Variants in DMD observed in about 807,000 individuals in gnomAD.
DMD encodes the protein dystrophin.
DMD carries 63 observed loss-of-function variants against 330.1 expected under a neutral mutation model. That is an observed-to-expected ratio of 0.19 (90% CI 0.16 to 0.24). DMD has a LOEUF of 0.24. Among genes scored for constraint, DMD ranks in the 10% least tolerant of loss-of-function variants. DMD has a pLI of 1.00. For synonymous variants in DMD, 1,223 were observed against 959.8 expected, an observed-to-expected ratio of 1.27 and a Z score of -5.07; for missense variants, 3,344 against 2,684.1, an observed-to-expected ratio of 1.25 and a Z score of -5.43.
intron 1 of DMD, among the ~76,000 whole-genome samples, chrX:33,184,114 T>C (rs1468152052): frequency 1.8e-5 from 2 of 111,967 alleles, no homozygotes; most frequent in African/African-American, 3.2e-5. Context: ...AAGGTTAATA[T>C]GTCTAAGAAT....
At chrX:33,082,843 T>G (rs2148253545) in intron 1 of DMD, among the ~76,000 whole-genome samples, 1 of 112,280 alleles carries the variant, frequency 8.9e-6, no homozygotes, top group African/African-American at 3.2e-5. Context: ...CCTCCCAAGC[T>G]GACTTGAAAA....
chrX:31,821,030 A>G (rs939079279), intron 49 of DMD, among the ~76,000 whole-genome samples: 7 of 112,819 alleles, frequency 6.2e-5, no homozygotes, highest in African/African-American at 2.3e-4. Context: ...ATTTATAGCC[A>G]GCAGAATGTG....
intron 56 of DMD, among the ~76,000 whole-genome samples, chrX:31,497,604 C>G (rs752716254): frequency 8.0e-5 from 9 of 111,947 alleles, no homozygotes; most frequent in Non-Finnish European, 1.5e-4. Flanking sequence ...AAGCTTCCCC[C>G]GAACATGAAT....
At chrX:31,193,431 TAG>T (rs1207328960) in intron 67 of DMD, among the ~76,000 whole-genome samples, 1 of 111,843 alleles carries the variant, frequency 8.9e-6, no homozygotes, top group East Asian at 2.8e-4. Flanking sequence ...TATTCATGAA[TAG>T]ACGGGGGAGA....
intron 4 of DMD, among the ~76,000 whole-genome samples, chrX:32,824,924 T>C (rs1306434756): frequency 9.0e-6 from 1 of 111,676 alleles, no homozygotes; most frequent in African/African-American, 3.3e-5. Flanking sequence ...TGCATCATCA[T>C]CTGGGGATTC....
At chrX:32,294,858 T>C (rs909209460) in intron 42 of DMD, among the ~76,000 whole-genome samples, 5 of 111,603 alleles carry the variant, frequency 4.5e-5, no homozygotes, top group African/African-American at 1.6e-4. Flanking sequence ...AGATCTCTGA[T>C]AGTATTTTAC....
At chrX:31,284,862 A>C (rs55861869) in intron 62 of DMD, among the ~76,000 whole-genome samples, 9,423 of 100,220 alleles carry the variant, frequency 0.094, 452 homozygotes, top group East Asian at 0.29. Context: ...ACACACACAC[A>C]CCCACACCCA....
In DMD at chrX:32,177,091, A is replaced by G. The variant is rs1359769959; in HGVS notation, c.6438+39825T>C. Among the ~76,000 whole-genome samples the G allele has an allele frequency of 2.7e-5, 3 of 111,746 alleles. 1 individual carries two copies. In the South Asian group the frequency reaches 1.1e-3, roughly 42 times the overall value. ...GTTCAACTTAACACTAACCCCCGTC[A>G]ATTACGTCTCCTGTATTTTTCTCAG... is the stretch of plus-strand genomic sequence containing the variant. On this transcript the variant is annotated intron_variant, in intron 44 of 78. Coordinates refer to ENST00000357033, the MANE Select transcript of DMD (RefSeq NM_004006.3).
chrX:31,293,203 TAG>T (rs2053869048), intron 62 of DMD, among the ~76,000 whole-genome samples: 4 of 45,876 alleles, frequency 8.7e-5, no homozygotes, highest in African/African-American at 3.0e-4. Flanking sequence ...TAGTCTGGTT[TAG>T]TGTGTGTGTG....
intron 62 of DMD, among the ~76,000 whole-genome samples, chrX:31,285,789 A>G (rs1216691249): frequency 6.2e-5 from 7 of 112,124 alleles, no homozygotes; most frequent in African/African-American, 2.3e-4. Flanking sequence ...AATCTTATTA[A>G]AAAACAAAAA....
At chrX:32,601,117 C>T (rs1602051215) in intron 12 of DMD, among the ~76,000 whole-genome samples, 1 of 110,987 alleles carries the variant, frequency 9.0e-6, no homozygotes, top group Non-Finnish European at 1.9e-5. Flanking sequence ...GCTCTATATC[C>T]CTTGCTGGCC....
intron 1 of DMD, among the ~76,000 whole-genome samples, chrX:33,319,272 G>C (rs868046048): frequency 1.8e-5 from 2 of 110,774 alleles, no homozygotes; most frequent in Middle Eastern, 4.7e-3. Flanking sequence ...TTTTTTTATA[G>C]AAGCCCAAAT....
At chrX:32,530,878 CAATAT>C (rs1385133000) in intron 17 of DMD, among the ~76,000 whole-genome samples, 2 of 111,750 alleles carry the variant, frequency 1.8e-5, no homozygotes, top group Non-Finnish European at 3.8e-5. Context: ...TATGATCATA[CAATAT>C]AATATACTCA....
intron 2 of DMD, among the ~76,000 whole-genome samples, chrX:32,921,602 G>A (rs939073988): frequency 9.0e-6 from 1 of 111,386 alleles, no homozygotes; most frequent in Admixed American, 9.6e-5. Context: ...ACAGAAAACC[G>A]CAATGCCAGC....
intron 60 of DMD, among the ~76,000 whole-genome samples, chrX:31,391,235 C>T (rs2060670702): frequency 9.1e-6 from 1 of 109,728 alleles, no homozygotes; most frequent in Non-Finnish European, 1.9e-5. Context: ...ACTGCAACCT[C>T]CGCCTCTTGG....
intron 2 of DMD, among the ~76,000 whole-genome samples, chrX:32,914,708 C>G (rs1392962350): frequency 9.0e-6 from 1 of 111,279 alleles, no homozygotes; most frequent in Non-Finnish European, 1.9e-5. Flanking sequence ...ACATAGTAGT[C>G]AAAGAAACGA....
intron 43 of DMD, among the ~76,000 whole-genome samples, chrX:32,285,609 A>T (rs916937200): frequency 2.7e-5 from 3 of 111,310 alleles, no homozygotes; most frequent in Non-Finnish European, 5.7e-5. Context: ...ATATACACAG[A>T]GTGGCTGAGT....
intron 57 of DMD, among the ~76,000 whole-genome samples, chrX:31,490,512 C>G (rs986516343): frequency 9.0e-6 from 1 of 110,932 alleles, no homozygotes; most frequent in Admixed American, 9.5e-5. Context: ...GCCGAGATCG[C>G]ACCGCTGCAC....
intron 54 of DMD, among the ~76,000 whole-genome samples, chrX:31,657,783 T>C (rs942454656): frequency 9.0e-6 from 1 of 111,728 alleles, no homozygotes; most frequent in African/African-American, 3.3e-5. Context: ...TCACTACTTT[T>C]GTGACAGCGG....
Sources: allele counts gnomAD v4.1 joint callset (sites outside exome capture counted in the v4.1 genomes callset), GRCh38; gene constraint gnomAD v4.1.1; transcripts MANE v1.5; gene names NCBI Gene and HGNC (gene_info 2026-07-23, HGNC 2026-07-21).